Variants in DIS3 observed in about 807,000 individuals in gnomAD.
The protein encoded by DIS3 is exosome complex exonuclease RRP44.
In DIS3, 103 loss-of-function variants were observed where a neutral mutation model predicts 113.0. That is an observed-to-expected ratio of 0.91 (90% CI 0.78 to 1.07). The LOEUF (loss-of-function observed/expected upper bound fraction) is 1.07, where lower values mean the gene tolerates loss of function less well. Ranked by LOEUF, DIS3 falls within the 50% of genes least tolerant of loss-of-function variation. DIS3 has a pLI of 0.00. For synonymous variants in DIS3, 402 were observed against 394.3 expected (o/e 1.02, Z -0.23); for missense variants, 1,121 against 1,167.1 (o/e 0.96, Z 0.58).
rs983401549 is a variant in DIS3, at chr13:72,757,239, T to C, written c.*2556A>G. The C allele has an allele frequency of 3.3e-5, 5 of 151,708 alleles. No homozygotes were observed. The highest frequency in any genetic ancestry group is 7.3e-5 in the African/African-American group (3 of 41,214). The allele number at this position is 151,708 out of a possible 1,614,324, so 9.4% of individuals were successfully genotyped here. ...TCTATTGCAGGTTAACTATGGCCTG[T>C]AGGCAGTTTTTCTTCTCTTTTTTTT... On this transcript the variant is annotated 3_prime_UTR_variant, in exon 21 of 21. Coordinates refer to ENST00000377767, the MANE Select transcript of DIS3 (RefSeq NM_014953.5).
chr13:72,771,972 A>C, intron 10 of DIS3, 76 bp from the exon 11 acceptor site: 2 of 1,490,638 alleles, frequency 1.3e-6, no homozygotes, highest in Admixed American at 4.0e-5. Flanking sequence ...TAATAAGATA[A>C]AGTTTAGCTA....
Position 72,753,565 on chromosome 13 carries a change from C to T in DIS3, c.*6230G>A. ...TGCATTACTTTTGAATTTTGTTCAA[C>T]ATGATCAATATTACATGTTAGGATC... On this transcript the variant is annotated 3_prime_UTR_variant, in exon 21 of 21. Transcript: ENST00000377767. 1 of 1,002,274 alleles carries T rather than the reference C, an allele frequency of 1.0e-6. No homozygotes were observed. The highest frequency in any genetic ancestry group is 1.4e-6 in the Non-Finnish European group (1 of 690,780). The allele number at this position is 1,002,274 out of a possible 1,614,324, so 62.1% of individuals were successfully genotyped here. A position where few individuals can be genotyped will look rare whatever the true frequency, so the allele number is the denominator to read the frequency against.
rs530864669 is a variant in DIS3, at chr13:72,777,598, T to A, written c.581-105A>T. The A allele has an allele frequency of 5.5e-5, 52 of 941,612 alleles. No homozygotes were observed. In the African/African-American group the frequency reaches 8.0e-4, roughly 15 times the overall value. 58.3% of individuals were successfully genotyped at this position (941,612 alleles called of 1,614,324 possible). Reference sequence around the variant, plus strand: ...AGTATACACGTCATTCTTTCATTCATTGAGACACACTGAGAGTCTCACTCT... The same window carrying A: ...AGTATACACGTCATTCTTTCATTCAATGAGACACACTGAGAGTCTCACTCT... On this transcript the variant is annotated intron_variant, in intron 3 of 20. Transcript: ENST00000377767.
Position 72,754,944 on chromosome 13 carries a change from G to A in DIS3, c.*4851C>T, listed in dbSNP as rs530101899. The A allele has an allele frequency of 1.2e-5, 6 of 494,160 alleles. No individual in the cohort carries two copies. Among genetic ancestry groups the A allele is most frequent in the Admixed American group, 3.5e-5 (1 of 28,816 alleles). 30.6% of individuals were successfully genotyped at this position (494,160 alleles called of 1,614,324 possible). A position where few individuals can be genotyped will look rare whatever the true frequency, so the allele number is the denominator to read the frequency against. On this transcript the variant is annotated 3_prime_UTR_variant, in exon 21 of 21. Coordinates refer to ENST00000377767, the MANE Select transcript of DIS3 (RefSeq NM_014953.5). ...GCCAGGGCTAGTCCCAAACTCCTGG[G>A]CTCGTGCGATCCTCCCACCTTGGCC...
rs755871331 is a variant in DIS3 at position 72,781,735 on chromosome 13, G to A, written c.98C>T (p.Ala33Val). 1.9e-6 allele frequency: 3 copies of A among 1,588,786 alleles called. No individual in the cohort carries two copies. Among genetic ancestry groups the A allele is most frequent in the Non-Finnish European group, 2.6e-6 (3 of 1,168,590 alleles). The change falls in exon 1 of 21, where the codon GCG (alanine) becomes GTG (valine). Residue 33 changes from alanine to valine, a missense_variant. Ala to Val is a moderately conservative substitution (Grantham distance 64). Around this residue, in one of 3 missense-constraint regions of DIS3, gnomAD observed 254 missense variants for 232.2 expected, o/e 1.09. Coordinates refer to ENST00000377767, the MANE Select transcript of DIS3 (RefSeq NM_014953.5). ...CCCTCCACACGCTGCGCACCCGGGC[G>A]CACCGCAGCCGATGTCGTCTCGCAG... ...HYLRDDIGCG[A>V]PGCAACGGAH...
chr13:72,755,358 G>T lies in DIS3; in HGVS notation c.*4437C>A, dbSNP rs1211105271. 6.4e-6 allele frequency: 4 copies of T among 626,564 alleles called. No individual in the cohort carries two copies. The East Asian group carries it at 1.2e-4, about 18-fold the overall frequency. The allele number at this position is 626,564 out of a possible 1,614,324, so 38.8% of individuals were successfully genotyped here. On this transcript the variant is annotated 3_prime_UTR_variant, in exon 21 of 21. Transcript: ENST00000377767. ...CCCTCCTTAATGTGAAAAATCAAGGGCTTACTGACATAGGAACAACAGAAA... is the reference window on the plus strand; with the variant it reads ...CCCTCCTTAATGTGAAAAATCAAGGTCTTACTGACATAGGAACAACAGAAA...
chr13:72,772,339 G>T, intron 9 of DIS3, 64 bp from the exon 10 acceptor site: 1 of 1,231,602 alleles, frequency 8.1e-7, no homozygotes, highest in South Asian at 1.3e-5. Context: ...CATATTAATA[G>T]CTCTTGTGAA....
chr13:72,781,586 G>C lies in DIS3; in HGVS notation c.228+19C>G, dbSNP rs745695093. On this transcript the variant is annotated intron_variant, in intron 1 of 20. Coordinates refer to ENST00000377767, the MANE Select transcript of DIS3 (RefSeq NM_014953.5). ...GTCCCCGTGGGGCCGCGCTGTCCGC[G>C]GTTCGCCCGCCCACGCACCTGGTGC... 4 of 1,487,730 alleles carry C rather than the reference G, an allele frequency of 2.7e-6. No individual in the cohort carries two copies. The highest frequency in any genetic ancestry group is 1.3e-5 in the South Asian group (1 of 75,390). 92.2% of individuals were successfully genotyped at this position (1,487,730 alleles called of 1,614,324 possible). A position where few individuals can be genotyped will look rare whatever the true frequency, so the allele number is the denominator to read the frequency against.
At chr13:72,775,569 G>A (rs1292856355) in intron 5 of DIS3, among the ~76,000 whole-genome samples, 194 bp from the exon 6 acceptor site, 1 of 152,098 alleles carries the variant, frequency 6.6e-6, no homozygotes, top group East Asian at 1.9e-4. Flanking sequence ...TAGAAAAAAT[G>A]TAAGTCAGAA....
chr13:72,761,855 TA>T, intron 17 of DIS3, 41 bp from the exon 18 acceptor site: 2 of 1,611,682 alleles, frequency 1.2e-6, no homozygotes, highest in South Asian at 2.2e-5. Context: ...ATGTCAGTAC[TA>T]ATATGTGCTT....
intron 19 of DIS3, 110 bp from the exon 20 acceptor site, chr13:72,760,761 A>C: frequency 7.5e-7 from 1 of 1,326,776 alleles, no homozygotes; most frequent in Non-Finnish European, 1.0e-6. Context: ...AAAAATTAGT[A>C]AGCATCTACG....
intron 14 of DIS3, 133 bp downstream of exon 14, chr13:72,768,652 A>G (rs2033810638): frequency 1.6e-6 from 1 of 630,990 alleles, no homozygotes. Context: ...TCAAATACAT[A>G]CATACATACA....
chr13:72,764,996 T>C (rs1470901152), intron 15 of DIS3, among the ~76,000 whole-genome samples: 2 of 152,152 alleles, frequency 1.3e-5, no homozygotes, highest in Non-Finnish European at 2.9e-5. Flanking sequence ...ACATATTTAC[T>C]CTAAGTAAAA....
chr13:72,773,994 C>T lies in DIS3; in HGVS notation c.1053G>A (p.Arg351=). ...PTGRVVGIIK[R]NWRPYCGMLS... is the part of the protein sequence containing the mutation. ...GCATGCCACAATATGGTCTCCAATT[C>T]CTTTTTATTATTCCTACAACTCTAC... Residue 351 remains arginine, a synonymous_variant, in exon 7 of 21, where the codon AGG becomes AGA. Coordinates refer to ENST00000377767, the MANE Select transcript of DIS3 (RefSeq NM_014953.5). 1.2e-6 allele frequency: 2 copies of T among 1,612,808 alleles called. No homozygotes were observed. Among genetic ancestry groups the T allele is most frequent in the Non-Finnish European group, 1.7e-6 (2 of 1,179,716 alleles).
chr13:72,776,125 A>G lies in DIS3; in HGVS notation c.655-33T>C, dbSNP rs775574119. ...AGAAGCAAACCAAAAGATGCCGCTA[A>G]TAAGTCTTCTGTTCACTCAATACAC... is the stretch of plus-strand genomic sequence containing the variant. On this transcript the variant is annotated intron_variant, in intron 4 of 20. Transcript: ENST00000377767. 2.2e-5 allele frequency: 34 copies of G among 1,567,334 alleles called. No individual in the cohort carries two copies. In the East Asian group the frequency reaches 3.4e-4, roughly 16 times the overall value.
intron 19 of DIS3, 105 bp downstream of exon 19, chr13:72,761,258 T>C: frequency 2.9e-6 from 4 of 1,398,104 alleles, no homozygotes; most frequent in Non-Finnish European, 3.8e-6. Flanking sequence ...CAGGATAAAT[T>C]CTTCAGGGTA....
At chr13:72,776,615 G>A (rs2034023703) in intron 4 of DIS3, among the ~76,000 whole-genome samples, 1 of 152,084 alleles carries the variant, frequency 6.6e-6, no homozygotes, top group African/African-American at 2.4e-5. Flanking sequence ...ATACCTATGT[G>A]CCAGGCACTA....
intron 3 of DIS3, 29 bp from the exon 4 acceptor site, chr13:72,777,522 A>G (rs767739422): frequency 3.2e-5 from 51 of 1,600,352 alleles, no homozygotes; most frequent in Non-Finnish European, 3.8e-5. Context: ...GTTGTTTTTG[A>G]TAAGTGTTTT....
Position 72,758,378 on chromosome 13 carries a change from A to C in DIS3, c.*1417T>G, listed in dbSNP as rs1445369152. On this transcript the variant is annotated 3_prime_UTR_variant, in exon 21 of 21. Coordinates refer to ENST00000377767, the MANE Select transcript of DIS3 (RefSeq NM_014953.5). ...ATTAAGTGACATATGACTATATATG[A>C]AACTTAACAAATCAGGCCTTGTTGA... 2 of 187,492 alleles carry C rather than the reference A, an allele frequency of 1.1e-5. No homozygotes were observed. Among genetic ancestry groups the C allele is most frequent in the African/African-American group, 4.7e-5 (2 of 42,794 alleles). The allele number at this position is 187,492 out of a possible 1,614,324, so 11.6% of individuals were successfully genotyped here. A position where few individuals can be genotyped will look rare whatever the true frequency, so the allele number is the denominator to read the frequency against.
Sources: allele counts gnomAD v4.1 joint callset (sites outside exome capture counted in the v4.1 genomes callset), GRCh38; gene constraint gnomAD v4.1.1; regional missense constraint gnomAD v4.1.1; transcripts MANE v1.5; gene names NCBI Gene and HGNC (gene_info 2026-07-23, HGNC 2026-07-21).